The following COMMD1 variants were observed in gnomAD, a reference collection of about 807,000 sequenced individuals.
COMMD1 encodes the protein COMM domain-containing protein 1.
COMMD1 carries 10 observed loss-of-function variants against 17.2 expected under a neutral mutation model. That is an observed-to-expected ratio of 0.58 (90% CI 0.36 to 0.99). COMMD1 has a LOEUF of 0.99. COMMD1 is among the 50% of genes least tolerant of loss of function. COMMD1 has a pLI of 0.01. For synonymous variants in COMMD1, 97 were observed against 91.6 expected (o/e 1.06, Z -0.34); for missense variants, 270 against 231.8 (o/e 1.17, Z -1.07).
At chr2:61,919,016 T>C (rs1285651237) in intron 1 of COMMD1, among the ~76,000 whole-genome samples, 2 of 152,198 alleles carry the variant, frequency 1.3e-5, no homozygotes, top group East Asian at 1.9e-4. Flanking sequence ...AGATTAACTT[T>C]TTTTTTTCTT....
chr2:61,894,184 C>T (rs1669502482), intron 1 of COMMD1, among the ~76,000 whole-genome samples: 2 of 152,196 alleles, frequency 1.3e-5, no homozygotes. Flanking sequence ...ACTGCAACCT[C>T]TGCCTTCCAG....
chr2:62,055,470 A>G, intron 2 of COMMD1: 1 of 456,074 alleles, frequency 2.2e-6, no homozygotes, highest in South Asian at 1.5e-5. Flanking sequence ...CACATTCTCC[A>G]AGCCCACTTT....
intron 2 of COMMD1, among the ~76,000 whole-genome samples, chr2:62,117,508 G>C (rs1022579541): frequency 3.9e-5 from 6 of 152,166 alleles, no homozygotes; most frequent in African/African-American, 1.4e-4. Flanking sequence ...AGATAGATCT[G>C]GGTTTAAAAC....
At chr2:61,934,947 C>A (rs1670565266) in intron 1 of COMMD1, among the ~76,000 whole-genome samples, 1 of 152,156 alleles carries the variant, frequency 6.6e-6, no homozygotes, top group African/African-American at 2.4e-5. Context: ...GGAATAGATT[C>A]CTGTAACAAA....
chr2:61,888,476 G>T, upstream of COMMD1: 2 of 1,611,800 alleles, frequency 1.2e-6, no homozygotes, highest in South Asian at 1.1e-5. Flanking sequence ...CCCGGCAGTC[G>T]CCCCGCTCCG....
chr2:61,958,678 A>G (rs1218429627), intron 1 of COMMD1, among the ~76,000 whole-genome samples: 2 of 152,088 alleles, frequency 1.3e-5, no homozygotes, highest in African/African-American at 4.8e-5. Context: ...CCTTATTTTC[A>G]TTATCCTGCT....
chr2:62,102,711 A>G (rs537976843), intron 2 of COMMD1, among the ~76,000 whole-genome samples: 1 of 152,206 alleles, frequency 6.6e-6, no homozygotes, highest in South Asian at 2.1e-4. Context: ...CAGGCATAAA[A>G]CCTAAGAGTA....
chr2:61,922,314 TTTTG>T (rs921285948), intron 1 of COMMD1, among the ~76,000 whole-genome samples: 10 of 152,156 alleles, frequency 6.6e-5, no homozygotes, highest in Admixed American at 3.3e-4. Flanking sequence ...GTGGCAGTTT[TTTTG>T]TTTGTTTGTT....
intron 2 of COMMD1, among the ~76,000 whole-genome samples, chr2:62,128,021 CAAAA>C (rs56019037): frequency 5.8e-5 from 6 of 103,236 alleles, no homozygotes; most frequent in African/African-American, 1.0e-4. Flanking sequence ...GACTCTATCT[CAAAA>C]AAAAAAAAAA....
At chr2:61,949,436 C>T (rs1670994951) in intron 1 of COMMD1, among the ~76,000 whole-genome samples, 1 of 152,168 alleles carries the variant, frequency 6.6e-6, no homozygotes, top group Non-Finnish European at 1.5e-5. Context: ...TCTAACCCAG[C>T]TTCAGAGAGC....
chr2:62,032,095 T>C (rs1457780915), intron 2 of COMMD1, among the ~76,000 whole-genome samples: 1 of 152,230 alleles, frequency 6.6e-6, no homozygotes, highest in African/African-American at 2.4e-5. Flanking sequence ...TATAAAATTG[T>C]GTGTTATATA....
intron 2 of COMMD1, among the ~76,000 whole-genome samples, chr2:62,020,041 C>T (rs925082284): frequency 6.6e-6 from 1 of 152,152 alleles, no homozygotes; most frequent in Non-Finnish European, 1.5e-5. Flanking sequence ...GCTTACAGTC[C>T]AGGATATTGT....
intron 1 of COMMD1, among the ~76,000 whole-genome samples, chr2:61,973,814 T>A (rs1216126235): frequency 6.6e-6 from 1 of 152,220 alleles, no homozygotes; most frequent in South Asian, 2.1e-4. Context: ...TATATGATAG[T>A]ACTTAAGTCT....
chr2:61,926,753 A>G (rs1158030086), intron 1 of COMMD1, among the ~76,000 whole-genome samples: 5 of 152,140 alleles, frequency 3.3e-5, no homozygotes, highest in East Asian at 3.9e-4. Context: ...CTTCACAAGA[A>G]CGTAACCATC....
chr2:61,991,669 T>C (rs1405248405), intron 1 of COMMD1, among the ~76,000 whole-genome samples: 1 of 152,138 alleles, frequency 6.6e-6, no homozygotes, highest in Admixed American at 6.5e-5. Flanking sequence ...CTGTTGAAGG[T>C]GATGATAAGA....
chr2:61,980,720 G>GT (rs1377006209), intron 1 of COMMD1, among the ~76,000 whole-genome samples: 1 of 150,152 alleles, frequency 6.7e-6, no homozygotes, highest in African/African-American at 2.5e-5. Flanking sequence ...TCTGATGGTA[G>GT]TTTCTTTTGC....
Position 62,006,978 on chromosome 2 carries a change from CA to C in COMMD1, c.462+5998del, listed in dbSNP as rs551893057. Reference sequence around the variant, plus strand: ...TTTTCTTTTATGACTTCTTGTCCTTCAAGGCCAAAAGGACATTTTGTGAGGA... The same window carrying C: ...TTTTCTTTTATGACTTCTTGTCCTTCAGGCCAAAAGGACATTTTGTGAGGA... On this transcript the variant is annotated intron_variant, in intron 2 of 2. Transcript: ENST00000311832. Among the ~76,000 whole-genome samples, 359 of 152,232 alleles carry C rather than the reference CA, an allele frequency of 2.4e-3. 3 individuals are homozygous for C. The highest frequency in any genetic ancestry group is 0.021 in the Admixed American group (321 of 15,278).
At chr2:61,889,326 C>T (rs990829511) in intron 1 of COMMD1, among the ~76,000 whole-genome samples, 2 of 151,368 alleles carry the variant, frequency 1.3e-5, no homozygotes, top group African/African-American at 4.9e-5. Flanking sequence ...CCCGCCACAG[C>T]CTCCCAACTA....
intron 1 of COMMD1, among the ~76,000 whole-genome samples, chr2:61,981,500 G>C (rs538223190): frequency 2.0e-5 from 3 of 152,132 alleles, no homozygotes; most frequent in Non-Finnish European, 2.9e-5. Context: ...CCACTGGTCT[G>C]TGTGTCTGTT....
Sources: allele counts gnomAD v4.1 joint callset (sites outside exome capture counted in the v4.1 genomes callset), GRCh38; gene constraint gnomAD v4.1.1; transcripts MANE v1.5; gene names NCBI Gene and HGNC (gene_info 2026-07-23, HGNC 2026-07-21).